Variants in TRAPPC2 observed in about 807,000 individuals in gnomAD.
TRAPPC2 encodes trafficking protein particle complex subunit 2, also known as sedlin.
In TRAPPC2, 4 loss-of-function variants were observed where a neutral mutation model predicts 10.0. The ratio of observed to expected loss-of-function variants is 0.40; its 90% CI spans 0.20 to 0.92. The LOEUF (loss-of-function observed/expected upper bound fraction) is 0.92. TRAPPC2 is among the 40% of genes least tolerant of loss of function. TRAPPC2 has a pLI of 0.35. For synonymous variants in TRAPPC2, 36 were observed against 37.3 expected, an observed-to-expected ratio of 0.97 and a Z score of 0.12; for missense variants, 52 against 108.7, an observed-to-expected ratio of 0.48 and a Z score of 2.32.
intron 2 of TRAPPC2, among the ~76,000 whole-genome samples, chrX:13,724,806 C>T (rs1396112930): frequency 9.0e-6 from 1 of 111,659 alleles, no homozygotes; most frequent in Non-Finnish European, 1.9e-5. Flanking sequence ...CGTCGCCTCA[C>T]CCAGAAAGTG....
chrX:13,732,801 T>C (rs2046704036), intron 2 of TRAPPC2, among the ~76,000 whole-genome samples: 1 of 112,794 alleles, frequency 8.9e-6, no homozygotes, highest in Non-Finnish European at 1.9e-5. Context: ...GGACTCCAGT[T>C]CCAAAGACAT....
chrX:13,715,211 G>A (rs890075433), intron 5 of TRAPPC2, among the ~76,000 whole-genome samples: 10 of 113,001 alleles, frequency 8.8e-5, no homozygotes, highest in Non-Finnish European at 1.9e-4. Flanking sequence ...GGTGGCTCAC[G>A]CCTGTAATCC....
intron 2 of TRAPPC2, among the ~76,000 whole-genome samples, chrX:13,724,791 C>T (rs1213891634): frequency 8.9e-6 from 1 of 112,649 alleles, no homozygotes; most frequent in Non-Finnish European, 1.9e-5. Context: ...TGAAGCAGGG[C>T]AGGGCGTCGC....
chrX:13,730,293 A>G (rs1216775346), intron 2 of TRAPPC2, among the ~76,000 whole-genome samples: 1 of 112,165 alleles, frequency 8.9e-6, no homozygotes, highest in Non-Finnish European at 1.9e-5. Context: ...GAAGACATCT[A>G]TGCAGCCAAC....
intron 5 of TRAPPC2, 130 bp downstream of exon 5, chrX:13,715,872 GAT>G: frequency 9.7e-7 from 1 of 1,027,386 alleles, no homozygotes; most frequent in African/African-American, 1.9e-5. Context: ...AGTTGCCAGA[GAT>G]AGTTCTGATG....
chrX:13,724,126 C>A (rs2046488748), intron 2 of TRAPPC2, among the ~76,000 whole-genome samples: 1 of 111,266 alleles, frequency 9.0e-6, no homozygotes. Flanking sequence ...TCTTGTTTGG[C>A]TCTCAAGTGA....
intron 5 of TRAPPC2, 91 bp downstream of exon 5, chrX:13,715,913 C>T (rs905006789): frequency 8.4e-6 from 9 of 1,071,862 alleles, no homozygotes; most frequent in Non-Finnish European, 1.1e-5. Context: ...AGGTAAACTG[C>T]AGCCTAAGGG....
At chrX:13,724,940 G>A (rs2046511535) in intron 2 of TRAPPC2, among the ~76,000 whole-genome samples, 1 of 113,475 alleles carries the variant, frequency 8.8e-6, no homozygotes, top group Non-Finnish European at 1.9e-5. Flanking sequence ...GGCAGACAAG[G>A]AGATTCTCTC....
At chrX:13,730,487 A>G (rs189241517) in intron 2 of TRAPPC2, among the ~76,000 whole-genome samples, 99 of 112,112 alleles carry the variant, frequency 8.8e-4, no homozygotes, top group African/African-American at 3.2e-3. Flanking sequence ...AATTAGTTCA[A>G]TCATTGTGGA....
intron 2 of TRAPPC2, among the ~76,000 whole-genome samples, chrX:13,723,095 C>CAA (rs749531653): frequency 3.2e-5 from 2 of 62,758 alleles, no homozygotes; most frequent in East Asian, 5.1e-4. Flanking sequence ...GACTCCATCT[C>CAA]AAAAAAAAAA....
chrX:13,717,050 A>C lies in TRAPPC2; in HGVS notation c.94-372T>G, dbSNP rs1312735161. ...ATACTATGTTAAAAAAAAAAAAAAA[A>C]AAAAAAAAAAAAAACAAGATCCTGT... On this transcript the variant is annotated intron_variant, in intron 3 of 5. Transcript: ENST00000380579. Among the ~76,000 whole-genome samples the C allele has an allele frequency of 1.1e-4, 11 of 104,616 alleles. 1 individual carries two copies. The highest frequency in any genetic ancestry group is 3.5e-4 in the African/African-American group (10 of 28,831). 90.8% of individuals were successfully genotyped at this position (104,616 alleles called of 115,157 possible).
intron 2 of TRAPPC2, among the ~76,000 whole-genome samples, chrX:13,723,762 T>C (rs16979161): frequency 0.014 from 1,572 of 110,498 alleles, 31 homozygotes; most frequent in African/African-American, 0.048. Flanking sequence ...GAATCTAGGA[T>C]GGTTTCCATA....
chrX:13,733,851 G>A (rs905751954), intron 2 of TRAPPC2, among the ~76,000 whole-genome samples, 193 bp downstream of exon 2: 4 of 110,241 alleles, frequency 3.6e-5, no homozygotes, highest in Admixed American at 9.7e-5. Flanking sequence ...CCCCGATAAA[G>A]ACACACTTTT....
At chrX:13,716,481 G>A (rs758032583) in intron 4 of TRAPPC2, 53 bp downstream of exon 4, 5 of 1,186,012 alleles carry the variant, frequency 4.2e-6, no homozygotes, top group African/African-American at 1.8e-5. Context: ...ATGTTCTTCT[G>A]GTTTGTGAGC....
intron 2 of TRAPPC2, among the ~76,000 whole-genome samples, chrX:13,723,423 C>T (rs749808688): frequency 9.0e-6 from 1 of 111,511 alleles, no homozygotes; most frequent in East Asian, 2.9e-4. Flanking sequence ...CCACCTTGGC[C>T]TCCCAAAGTG....
intron 3 of TRAPPC2, among the ~76,000 whole-genome samples, chrX:13,717,188 A>C (rs926607941): frequency 3.6e-5 from 4 of 110,980 alleles, no homozygotes; most frequent in Non-Finnish European, 7.6e-5. Flanking sequence ...AATGGCGCTT[A>C]TAACGGCCTG....
Position 13,717,256 on chromosome X carries a change from G to A in TRAPPC2, c.94-578C>T, listed in dbSNP as rs184337342. Reference sequence around the variant, plus strand: ...ATGACAGCGGGACCTAGGAGTAGTGGGAGGTGATGCTCAGCCCCAGCTGTG... The same window carrying A: ...ATGACAGCGGGACCTAGGAGTAGTGAGAGGTGATGCTCAGCCCCAGCTGTG... On this transcript the variant is annotated intron_variant, in intron 3 of 5. Coordinates refer to ENST00000380579, the MANE Select transcript of TRAPPC2 (RefSeq NM_001011658.4). 7.0e-4 allele frequency among the ~76,000 whole-genome samples: 78 copies of A among 110,731 alleles called. No homozygotes were observed. The East Asian group carries it at 0.015, about 21-fold the overall frequency.
chrX:13,729,959 A>G (rs915856397), intron 2 of TRAPPC2, among the ~76,000 whole-genome samples: 2 of 112,239 alleles, frequency 1.8e-5, no homozygotes, highest in African/African-American at 3.2e-5. Context: ...ACCTAAAACC[A>G]TAAAAACTCT....
intron 5 of TRAPPC2, 179 bp downstream of exon 5, chrX:13,715,825 C>G (rs2046274462): frequency 1.0e-6 from 1 of 969,482 alleles, no homozygotes; most frequent in Non-Finnish European, 1.3e-6. Context: ...TTCCTAAATA[C>G]ATATTCACCT....
Sources: allele counts gnomAD v4.1 joint callset (sites outside exome capture counted in the v4.1 genomes callset), GRCh38; gene constraint gnomAD v4.1.1; transcripts MANE v1.5; gene names NCBI Gene and HGNC (gene_info 2026-07-23, HGNC 2026-07-21).